COG6: variants seen among roughly 807,000 people sequenced by gnomAD.
COG6 encodes component of oligomeric golgi complex 6, also known as conserved oligomeric Golgi complex subunit 6.
A neutral mutation model predicts 88.8 loss-of-function variants in COG6; 74 were observed. The observed-to-expected ratio is 0.83, with a 90% CI of 0.69 to 1.01. The LOEUF is 1.01. Ranked by LOEUF, COG6 falls within the 50% of genes least tolerant of loss-of-function variation. COG6 has a pLI of 0.00. For synonymous variants in COG6, 286 were observed against 278.7 expected (o/e 1.03, Z -0.26); for missense variants, 800 against 797.9 (o/e 1.00, Z -0.03).
At chr13:39,709,308 TA>T (rs199848817) in intron 13 of COG6, among the ~76,000 whole-genome samples, 3,978 of 152,248 alleles carry the variant, frequency 0.026, 79 homozygotes, top group Non-Finnish European at 0.041. Context: ...TTTTAATTTT[TA>T]TAAATTTATG....
chr13:39,708,516 C>T (rs2138053791), intron 13 of COG6, among the ~76,000 whole-genome samples: 1 of 152,254 alleles, frequency 6.6e-6, no homozygotes, highest in East Asian at 1.9e-4. Flanking sequence ...ATTATTTTAG[C>T]TTCCACATTT....
At chr13:39,724,147 G>A (rs1479710726) in intron 16 of COG6, among the ~76,000 whole-genome samples, 1 of 151,960 alleles carries the variant, frequency 6.6e-6, no homozygotes, top group African/African-American at 2.4e-5. Flanking sequence ...CTACCAGTAG[G>A]AACCAATTTT....
chr13:39,731,128 A>G (rs778123934), intron 18 of COG6, among the ~76,000 whole-genome samples: 23 of 152,186 alleles, frequency 1.5e-4, no homozygotes, highest in Non-Finnish European at 2.4e-4. Context: ...GCCTAAAGCA[A>G]ATTTTTAAAT....
At chr13:39,659,192 T>C (rs939279000) in intron 1 of COG6, among the ~76,000 whole-genome samples, 172 bp from the exon 2 acceptor site, 1 of 152,202 alleles carries the variant, frequency 6.6e-6, no homozygotes, top group African/African-American at 2.4e-5. Context: ...AAGTATACCC[T>C]TCTTGTGTTC....
At chr13:39,735,008 A>T (rs1879659097) in intron 18 of COG6, among the ~76,000 whole-genome samples, 1 of 150,448 alleles carries the variant, frequency 6.6e-6, no homozygotes, top group East Asian at 2.0e-4. Flanking sequence ...TAGATGAAGT[A>T]TTTTTTTTGT....
At chr13:39,680,183 G>GT in intron 7 of COG6, 138 bp downstream of exon 7, 1 of 597,830 alleles carries the variant, frequency 1.7e-6, no homozygotes, top group Non-Finnish European at 3.0e-6. Flanking sequence ...TTTGTATTTG[G>GT]TTTTTAAATT....
chr13:39,663,316 T>C (rs1875031550), intron 3 of COG6, among the ~76,000 whole-genome samples: 1 of 152,158 alleles, frequency 6.6e-6, no homozygotes, highest in East Asian at 1.9e-4. Flanking sequence ...GATTAATAAA[T>C]GGTGTTGATT....
chr13:39,695,014 A>G (rs1442872741), intron 12 of COG6, among the ~76,000 whole-genome samples: 1 of 150,734 alleles, frequency 6.6e-6, no homozygotes, highest in African/African-American at 2.4e-5. Flanking sequence ...ATATAAGTCT[A>G]TAATGTAAGT....
Position 39,660,792 on chromosome 13 carries a change from T to C in COG6, c.298-18T>C. 1.8e-5 allele frequency: 27 copies of C among 1,517,872 alleles called. No homozygotes were observed. The highest frequency in any genetic ancestry group is 2.5e-5 in the Non-Finnish European group (27 of 1,092,882). The allele number at this position is 1,517,872 out of a possible 1,614,324, so 94.0% of individuals were successfully genotyped here. On this transcript the variant is annotated intron_variant, in intron 2 of 18. Transcript: ENST00000455146. Reference sequence around the variant, plus strand: ...TTGCTGTATATATGATGTTTGATGTTACTTTTCTTCTTTTCAGGAACTTGA... The same window carrying C: ...TTGCTGTATATATGATGTTTGATGTCACTTTTCTTCTTTTCAGGAACTTGA...
chr13:39,710,928 AAAT>A (rs1425932269), intron 13 of COG6, among the ~76,000 whole-genome samples: 7 of 152,054 alleles, frequency 4.6e-5, no homozygotes, highest in African/African-American at 1.7e-4. Flanking sequence ...GTCTTTTAAA[AAAT>A]ATTAACTTAT....
chr13:39,674,122 T>TA (rs1875817860), intron 4 of COG6, among the ~76,000 whole-genome samples: 1 of 152,114 alleles, frequency 6.6e-6, no homozygotes, highest in African/African-American at 2.4e-5. Context: ...GCAGGTTTGT[T>TA]ACATATGTAT....
intron 18 of COG6, among the ~76,000 whole-genome samples, chr13:39,733,811 C>A (rs969679347): frequency 6.6e-6 from 1 of 152,066 alleles, no homozygotes; most frequent in African/African-American, 2.4e-5. Context: ...TGGCTTTGAT[C>A]TCATTACTTG....
intron 1 of COG6, among the ~76,000 whole-genome samples, chr13:39,658,620 C>T (rs140694091): frequency 6.6e-6 from 1 of 152,260 alleles, no homozygotes; most frequent in East Asian, 1.9e-4. Context: ...TTACATTACT[C>T]CCCTGCCTAA....
chr13:39,787,142 A>G (rs1395994462), intron 18 of COG6, among the ~76,000 whole-genome samples: 1 of 152,106 alleles, frequency 6.6e-6, no homozygotes, highest in Non-Finnish European at 1.5e-5. Context: ...AACTATAATG[A>G]GCAGACTGGG....
At chr13:39,732,978 C>T (rs1404186828) in intron 18 of COG6, among the ~76,000 whole-genome samples, 2 of 152,016 alleles carry the variant, frequency 1.3e-5, no homozygotes, top group Non-Finnish European at 2.9e-5. Context: ...GCATTACTGA[C>T]TTCTTGTTAG....
chr13:39,693,817 C>G (rs958737151), intron 11 of COG6, among the ~76,000 whole-genome samples: 1 of 151,864 alleles, frequency 6.6e-6, no homozygotes, highest in African/African-American at 2.4e-5. Flanking sequence ...ATATATTAAA[C>G]ATCTGTTGTG....
In COG6 at chr13:39,665,094, A is replaced by T. The variant is rs1301654835; in HGVS notation, c.370-2A>T. ...TTATATTAGATATGTTTATAATTTTAGGCAGCAAAGGAACAGACTCAAGAT... is the reference window on the plus strand; with the variant it reads ...TTATATTAGATATGTTTATAATTTTTGGCAGCAAAGGAACAGACTCAAGAT... On this transcript the variant is annotated splice_acceptor_variant, in intron 3 of 18. Coordinates refer to ENST00000455146, the MANE Select transcript of COG6 (RefSeq NM_020751.3). LOFTEE classifies it high-confidence loss of function. 2 of 1,386,254 alleles carry T rather than the reference A, an allele frequency of 1.4e-6. No individual in the cohort carries two copies. The highest frequency in any genetic ancestry group is 3.4e-5 in the Admixed American group (2 of 59,564). 85.9% of individuals were successfully genotyped at this position (1,386,254 alleles called of 1,614,324 possible). A position where few individuals can be genotyped will look rare whatever the true frequency, so the allele number is the denominator to read the frequency against.
intron 18 of COG6, among the ~76,000 whole-genome samples, chr13:39,777,670 T>C (rs1593486790): frequency 6.6e-6 from 1 of 152,142 alleles, no homozygotes; most frequent in African/African-American, 2.4e-5. Flanking sequence ...CAGAGTCAGG[T>C]TAGCTCTTCT....
Position 39,687,637 on chromosome 13 carries a change from G to A in COG6, c.917+6G>A. 1 of 1,613,936 alleles carries A rather than the reference G, an allele frequency of 6.2e-7. No individual in the cohort carries two copies. Among genetic ancestry groups the A allele is most frequent in the Non-Finnish European group, 8.5e-7 (1 of 1,179,994 alleles). ...CATTCTCATGACCCTTTGAGGTATAGTAATCAGACAGCAGAAGAGGAGTTG... is the reference window on the plus strand; with the variant it reads ...CATTCTCATGACCCTTTGAGGTATAATAATCAGACAGCAGAAGAGGAGTTG... On this transcript the variant is annotated splice_donor_region_variant and intron_variant, in intron 9 of 18. Coordinates refer to ENST00000455146, the MANE Select transcript of COG6 (RefSeq NM_020751.3).
Sources: gnomAD v4.1 joint callset for allele counts (sites outside exome capture counted in the v4.1 genomes callset) on GRCh38, gnomAD v4.1.1 for gene constraint, MANE v1.5 for transcripts, NCBI Gene and HGNC (gene_info 2026-07-23, HGNC 2026-07-21) for gene names.